SLC35A5: variants seen among roughly 807,000 people sequenced by gnomAD.
SLC35A5 encodes solute carrier family 35 member A5.
SLC35A5 carries 28 observed loss-of-function variants against 36.3 expected under a neutral mutation model. That is an observed-to-expected ratio of 0.77 (90% CI 0.57 to 1.06). SLC35A5 has a LOEUF of 1.06. Ranked by LOEUF, SLC35A5 falls within the 50% of genes least tolerant of loss-of-function variation. The pLI, the probability that SLC35A5 is intolerant of heterozygous loss-of-function variation, is 0.00. For missense variants in SLC35A5, 521 were observed against 499.3 expected, an observed-to-expected ratio of 1.04 and a Z score of -0.41; for synonymous variants, 180 against 173.7, an observed-to-expected ratio of 1.04 and a Z score of -0.29.
chr3:112,573,327 T>C (rs1211318775), intron 4 of SLC35A5, among the ~76,000 whole-genome samples: 1 of 152,202 alleles, frequency 6.6e-6, no homozygotes, highest in Non-Finnish European at 1.5e-5. Flanking sequence ...TAAAAACAAA[T>C]GGTTTTAAAA....
At chr3:112,580,426 A>G (rs1934854662) in intron 5 of SLC35A5, 120 bp from the exon 6 acceptor site, 2 of 1,119,968 alleles carry the variant, frequency 1.8e-6, no homozygotes, top group Admixed American at 5.8e-5. Context: ...GTGGTAGGAA[A>G]TGCTAGCAAA....
At position 112,583,082 on chromosome 3, in the gene SLC35A5, A is replaced by G. The variant is rs1242375497; in HGVS notation, c.*346A>G. On this transcript the variant is annotated 3_prime_UTR_variant, in exon 7 of 7. Coordinates refer to ENST00000492406, the MANE Select transcript of SLC35A5 (RefSeq NM_017945.5). Reference sequence around the variant, plus strand: ...AGCTTGTATATACACATAGAGATCAATTTGCCAAATATTCACAATCATGTA... The same window carrying G: ...AGCTTGTATATACACATAGAGATCAGTTTGCCAAATATTCACAATCATGTA... 1.5e-5 allele frequency: 6 copies of G among 401,444 alleles called. No individual in the cohort carries two copies. The highest frequency in any genetic ancestry group is 7.1e-5 in the East Asian group (2 of 28,140). 24.9% of individuals were successfully genotyped at this position (401,444 alleles called of 1,614,324 possible). A position where few individuals can be genotyped will look rare whatever the true frequency, so the allele number is the denominator to read the frequency against.
intron 6 of SLC35A5, 81 bp from the exon 7 acceptor site, chr3:112,582,590 T>TG: frequency 1.1e-6 from 1 of 885,616 alleles, no homozygotes; most frequent in Non-Finnish European, 1.8e-6. Context: ...GTAAGACCAG[T>TG]GATTTGTTAG....
intron 5 of SLC35A5, among the ~76,000 whole-genome samples, chr3:112,577,542 T>G (rs1053262659): frequency 2.0e-5 from 3 of 152,248 alleles, no homozygotes; most frequent in Admixed American, 6.5e-5. Context: ...CAATTTTGTT[T>G]GCTTTAGCTT....
rs764402600 is a variant in SLC35A5, at chr3:112,574,004, G to T, written c.428+48G>T. The stretch of plus-strand genomic sequence containing the variant: ...ATATATCATACTTTAAAATAACATA[G>T]CCCGGTTTCAAATGATATACCCAGA... On this transcript the variant is annotated intron_variant, in intron 5 of 6. Transcript: ENST00000492406. 7 of 1,498,476 alleles carry T rather than the reference G, an allele frequency of 4.7e-6. No homozygotes were observed. The South Asian group carries it at 8.0e-5, about 17-fold the overall frequency. 92.8% of individuals were successfully genotyped at this position (1,498,476 alleles called of 1,614,324 possible). A position where few individuals can be genotyped will look rare whatever the true frequency, so the allele number is the denominator to read the frequency against.
At chr3:112,579,624 C>T (rs1472106) in intron 5 of SLC35A5, among the ~76,000 whole-genome samples, 148,904 of 152,232 alleles carry the variant, frequency 0.98, 72,844 homozygotes, top group Admixed American at 0.99. Flanking sequence ...TTTTCATCTT[C>T]TAGCTCAAGT....
In SLC35A5 at chr3:112,563,370, G is replaced by A; in HGVS notation, c.-19-15G>A. On this transcript the variant is annotated splice_polypyrimidine_tract_variant and intron_variant, in intron 1 of 6. Transcript: ENST00000492406. The stretch of plus-strand genomic sequence containing the variant: ...TGCCAACAAGGTCGTTCATGAAAGT[G>A]TTTTTCTCTTTAAGGTAATTAAAAA... 6.9e-7 allele frequency: 1 copy of A among 1,444,808 alleles called. No homozygotes were observed. Among genetic ancestry groups the A allele is most frequent in the Non-Finnish European group, 9.3e-7 (1 of 1,078,660 alleles). The allele number at this position is 1,444,808 out of a possible 1,614,324, so 89.5% of individuals were successfully genotyped here.
In SLC35A5 at chr3:112,580,665, A is replaced by T; in HGVS notation, c.548A>T (p.Asp183Val). Residue 183 changes from aspartate to valine, a missense_variant, in exon 6 of 7, where the codon GAT becomes GTT. Physicochemically the swap from Asp to Val is radical, Grantham distance 152. Transcript: ENST00000492406. ...TTGGCAGGACGTGGATTTCATCACG[A>T]TGCCTTTTTCAGCCCTTCCAATTCC... ...HNLAGRGFHH[D>V]AFFSPSNSCL... The T allele has an allele frequency of 6.2e-7, 1 of 1,614,136 alleles. No homozygotes were observed. Among genetic ancestry groups the T allele is most frequent in the Non-Finnish European group, 8.5e-7 (1 of 1,179,966 alleles).
Position 112,578,896 on chromosome 3 carries a change from T to C in SLC35A5, c.429-1650T>C, listed in dbSNP as rs575010765. Among the ~76,000 whole-genome samples the C allele has an allele frequency of 1.6e-4, 25 of 152,312 alleles. No individual in the cohort carries two copies. The South Asian group carries it at 5.2e-3, about 32-fold the overall frequency. ...ACCCATTTTTTATCTCTGTGGTCAT[T>C]CTATTTGTTTTCTGCTACTTAATGT... On this transcript the variant is annotated intron_variant, in intron 5 of 6. Coordinates refer to ENST00000492406, the MANE Select transcript of SLC35A5 (RefSeq NM_017945.5).
rs1204817061 is a variant in SLC35A5, at chr3:112,581,179, G to A, written c.1062G>A (p.Arg354=). The A allele has an allele frequency of 6.2e-7, 1 of 1,613,818 alleles. No homozygotes were observed. Among genetic ancestry groups the A allele is most frequent in the South Asian group, 1.1e-5 (1 of 91,062 alleles). The part of the protein sequence containing the change: ...TTVSVLVFDF[R]PSLEFFLEAP... ...TGTCTGTCCTGGTCTTTGACTTCAG[G>A]CCCTCCCTGGAATTTTTCTTGGAAG... Residue 354 remains arginine, a synonymous_variant, in exon 6 of 7, where the codon AGG becomes AGA. Coordinates refer to ENST00000492406, the MANE Select transcript of SLC35A5 (RefSeq NM_017945.5).
intron 2 of SLC35A5, among the ~76,000 whole-genome samples, chr3:112,568,341 C>G (rs940132037): frequency 1.3e-5 from 2 of 152,162 alleles, no homozygotes; most frequent in Non-Finnish European, 2.9e-5. Context: ...AAGCAAATGT[C>G]TTCAAAAGTG....
At chr3:112,561,613 C>T (rs1163528118), upstream of SLC35A5, 1 of 1,362,676 alleles carries the variant, frequency 7.3e-7, no homozygotes, top group Non-Finnish European at 1.0e-6. Context: ...AATGTCCTCG[C>T]TGCCACCGAC....
chr3:112,563,940 T>C (rs1355015778), intron 2 of SLC35A5, among the ~76,000 whole-genome samples: 2 of 152,254 alleles, frequency 1.3e-5, no homozygotes, highest in Non-Finnish European at 2.9e-5. Context: ...CAGCATTATA[T>C]TGTGCGGTCA....
intron 1 of SLC35A5, among the ~76,000 whole-genome samples, chr3:112,563,102 T>C (rs1259037147): frequency 3.3e-5 from 5 of 152,210 alleles, no homozygotes; most frequent in African/African-American, 1.2e-4. Flanking sequence ...AATTCAAAAT[T>C]GCTTTGAAGA....
chr3:112,585,564 TTG>T lies in SLC35A5; in HGVS notation c.*2830_*2831del, dbSNP rs1013973345. The T allele has an allele frequency of 2.1e-4, 2 of 9,308 alleles. No individual in the cohort carries two copies. The highest frequency in any genetic ancestry group is 3.6e-4 in the Non-Finnish European group (1 of 2,808). The allele number at this position is 9,308 out of a possible 1,614,324, so 0.6% of individuals were successfully genotyped here. On this transcript the variant is annotated 3_prime_UTR_variant, in exon 7 of 7. Transcript: ENST00000492406. Reference sequence around the variant, plus strand: ...GTACCCCTTCAATCTGAAATAAAAGTTGTTTTTTTTTTTAAGATGCGAAGTTC... The same window carrying T: ...GTACCCCTTCAATCTGAAATAAAAGTTTTTTTTTTTTAAGATGCGAAGTTC...
At chr3:112,577,982 G>A (rs993895592) in intron 5 of SLC35A5, among the ~76,000 whole-genome samples, 6 of 152,094 alleles carry the variant, frequency 3.9e-5, no homozygotes, top group Non-Finnish European at 7.4e-5. Context: ...ACCAAATATA[G>A]AAGTGCTCTT....
At chr3:112,573,636 A>C (rs1934544859) in intron 4 of SLC35A5, among the ~76,000 whole-genome samples, 1 of 152,256 alleles carries the variant, frequency 6.6e-6, no homozygotes, top group Non-Finnish European at 1.5e-5. Context: ...AAACCTTTAG[A>C]ATTTATAAGT....
chr3:112,561,647 C>T, upstream of SLC35A5: 3 of 1,038,908 alleles, frequency 2.9e-6, no homozygotes, highest in South Asian at 4.3e-5. Flanking sequence ...CGGCTGGCAG[C>T]ACCCGAGGGG....
rs759953761 is a variant in SLC35A5, at chr3:112,581,323, T to TG, written c.1209+1dup. On this transcript the variant is annotated frameshift_variant, in exon 6 of 7. Transcript: ENST00000492406. LOFTEE classifies it high-confidence loss of function. ...GTGGCAATCTTTGGGAGCGTTCCAG[T>TG]GGGGTAAGTTTGTGAGGGTGTTCCT... 6.3e-7 allele frequency: 1 copy of TG among 1,591,994 alleles called. No individual in the cohort carries two copies. The highest frequency in any genetic ancestry group is 8.5e-7 in the Non-Finnish European group (1 of 1,171,520).
Sources: allele counts gnomAD v4.1 joint callset (sites outside exome capture counted in the v4.1 genomes callset), GRCh38; gene constraint gnomAD v4.1.1; transcripts MANE v1.5; gene names NCBI Gene and HGNC (gene_info 2026-07-23, HGNC 2026-07-21).